Variants in CDON observed in about 807,000 individuals in gnomAD.
CDON encodes cell adhesion molecule-related/down-regulated by oncogenes.
A neutral mutation model predicts 120.9 loss-of-function variants in CDON; 73 were observed. The ratio of observed to expected loss-of-function variants is 0.60; its 90% CI spans 0.50 to 0.73. CDON has a LOEUF of 0.73. CDON is among the 30% of genes least tolerant of loss of function. The probability of loss-of-function intolerance (pLI) is 0.00; values close to 1 mark genes in which losing one functional copy is unlikely to be tolerated. For missense variants in CDON, 1,470 were observed against 1,587.3 expected (o/e 0.93, Z 1.26); for synonymous variants, 566 against 573.5 (o/e 0.99, Z 0.19).
At chr11:126,041,842 T>G (rs1455870753) in intron 1 of CDON, among the ~76,000 whole-genome samples, 1 of 152,226 alleles carries the variant, frequency 6.6e-6, no homozygotes, top group Non-Finnish European at 1.5e-5. Context: ...TAATCCAGCT[T>G]GCATGTGAGT....
At position 126,018,281 on chromosome 11, in the gene CDON, T is replaced by TA. The variant is rs780942456; in HGVS notation, c.640+48dup. On this transcript the variant is annotated intron_variant, in intron 5 of 19. Transcript: ENST00000531738. ...AATGAACTATCATTGCCCAACTTTT[T>TA]ATGAGGACTCTTCCTCTTCCAGTTA... The TA allele has an allele frequency of 5.5e-5, 87 of 1,589,436 alleles. 1 individual carries two copies. The Middle Eastern group carries it at 2.2e-3, about 40-fold the overall frequency.
intron 1 of CDON, among the ~76,000 whole-genome samples, chr11:126,039,914 C>T (rs1438724231): frequency 6.6e-6 from 1 of 152,120 alleles, no homozygotes; most frequent in Non-Finnish European, 1.5e-5. Context: ...CCCCCATTGC[C>T]CCCTTGCTCG....
At chr11:126,024,933 G>A (rs1047003954) in intron 1 of CDON, among the ~76,000 whole-genome samples, 3 of 152,050 alleles carry the variant, frequency 2.0e-5, no homozygotes, top group African/African-American at 7.2e-5. Context: ...GGCTGGGCAC[G>A]GTGGCTCACA....
intron 18 of CDON, among the ~76,000 whole-genome samples, chr11:125,968,145 T>C (rs1179073151): frequency 6.6e-6 from 1 of 152,226 alleles, no homozygotes; most frequent in African/African-American, 2.4e-5. Flanking sequence ...TTTGAAAACC[T>C]AGGACAGTTC....
At chr11:126,038,621 C>T (rs1326822442) in intron 1 of CDON, among the ~76,000 whole-genome samples, 1 of 151,732 alleles carries the variant, frequency 6.6e-6, no homozygotes, top group African/African-American at 2.4e-5. Flanking sequence ...CACTGCACTC[C>T]AGCCTGGGCA....
intron 1 of CDON, among the ~76,000 whole-genome samples, chr11:126,041,170 C>T (rs111530131): frequency 0.017 from 2,359 of 138,008 alleles, 72 homozygotes; most frequent in African/African-American, 0.057. Context: ...CCAGCCCGGG[C>T]GACAGAGTGA....
intron 18 of CDON, among the ~76,000 whole-genome samples, chr11:125,967,751 C>T (rs1945845936): frequency 6.6e-6 from 1 of 152,212 alleles, no homozygotes; most frequent in South Asian, 2.1e-4. Context: ...ATCCTCCCAC[C>T]TTAGCCTCCA....
At chr11:126,018,529 A>G in intron 4 of CDON, 56 bp from the exon 5 acceptor site, 3 of 1,432,568 alleles carry the variant, frequency 2.1e-6, no homozygotes, top group Non-Finnish European at 3.0e-6. Flanking sequence ...ACACCACAGC[A>G]CAACTAAAAC....
In CDON at chr11:126,000,626, A is replaced by G. The variant is rs574598545; in HGVS notation, c.2158+1093T>C. On this transcript the variant is annotated intron_variant, in intron 11 of 19. Coordinates refer to ENST00000531738, the MANE Select transcript of CDON (RefSeq NM_001378964.1). ...AAATAAATGGTAAGGTTTTTTTCAG[A>G]CATTACTTTTATTCACATGAAATTA... Among the ~76,000 whole-genome samples, 532 of 149,068 alleles carry G rather than the reference A, an allele frequency of 3.6e-3. 5 individuals carry two copies. The highest frequency in any genetic ancestry group is 0.013 in the African/African-American group (509 of 40,446).
chr11:126,050,748 C>G (rs1276715610), intron 1 of CDON, among the ~76,000 whole-genome samples: 1 of 152,094 alleles, frequency 6.6e-6, no homozygotes. Context: ...TGTCTGTGCA[C>G]GCCATGCACA....
chr11:125,987,622 G>A (rs1245942611), intron 15 of CDON, among the ~76,000 whole-genome samples: 2 of 152,034 alleles, frequency 1.3e-5, no homozygotes, highest in Admixed American at 6.6e-5. Context: ...CAGAAAATGA[G>A]GTATACTATT....
chr11:126,039,663 G>GC (rs1948202534), intron 1 of CDON, among the ~76,000 whole-genome samples: 1 of 152,092 alleles, frequency 6.6e-6, no homozygotes, highest in Non-Finnish European at 1.5e-5. Context: ...ATCTGTAAAC[G>GC]CAGGTATTCC....
chr11:125,989,897 T>C (rs1946582837), intron 14 of CDON, 138 bp from the exon 15 acceptor site: 2 of 726,496 alleles, frequency 2.8e-6, no homozygotes, highest in Non-Finnish European at 2.3e-6. Flanking sequence ...ATGTACTTAA[T>C]AGTAAGTATT....
rs1251268391 is a variant in CDON at position 126,040,995 on chromosome 11, C to T, written c.-61-17458G>A. On this transcript the variant is annotated intron_variant, in intron 1 of 19. Transcript: ENST00000531738. Reference sequence around the variant, plus strand: ...CACAAGGTCAGGAGTTCCAGACCAGCCTGACCAACATGGTGAAAACCCGTC... The same window carrying T: ...CACAAGGTCAGGAGTTCCAGACCAGTCTGACCAACATGGTGAAAACCCGTC... Among the ~76,000 whole-genome samples, 10 of 151,430 alleles carry T rather than the reference C, an allele frequency of 6.6e-5. No individual in the cohort carries two copies. The South Asian group carries it at 8.4e-4, about 13-fold the overall frequency.
At chr11:126,018,551 G>C (rs1393752593) in intron 4 of CDON, 78 bp from the exon 5 acceptor site, 17 of 1,210,132 alleles carry the variant, frequency 1.4e-5, no homozygotes, top group Non-Finnish European at 1.3e-5. Flanking sequence ...CACAAAGGCT[G>C]ATCATTATGC....
intron 1 of CDON, among the ~76,000 whole-genome samples, chr11:126,038,914 G>C (rs1026510668): frequency 3.9e-5 from 6 of 152,062 alleles, no homozygotes; most frequent in Non-Finnish European, 5.9e-5. Context: ...AACAGCCTCG[G>C]GGTGCAAATA....
chr11:125,996,749 TA>T (rs1946798489), intron 12 of CDON, among the ~76,000 whole-genome samples: 1 of 120,094 alleles, frequency 8.3e-6, no homozygotes, highest in South Asian at 3.0e-4. Flanking sequence ...CAACGAAATA[TA>T]AACAATGATT....
intron 3 of CDON, among the ~76,000 whole-genome samples, chr11:126,020,651 C>T (rs1203970115): frequency 6.6e-6 from 1 of 152,218 alleles, no homozygotes; most frequent in Admixed American, 6.5e-5. Context: ...TTACTGGAAG[C>T]CATCACCGTT....
chr11:126,031,612 C>T (rs1947946654), intron 1 of CDON, among the ~76,000 whole-genome samples: 1 of 152,218 alleles, frequency 6.6e-6, no homozygotes, highest in South Asian at 2.1e-4. Context: ...TCCTGATCTT[C>T]TGTGAGATTC....
Sources: allele counts gnomAD v4.1 joint callset (sites outside exome capture counted in the v4.1 genomes callset), GRCh38; gene constraint gnomAD v4.1.1; transcripts MANE v1.5; gene names NCBI Gene and HGNC (gene_info 2026-07-23, HGNC 2026-07-21).